The following CDH13 variants were observed in gnomAD, a reference collection of about 807,000 sequenced individuals.
CDH13 encodes the protein cadherin 13.
A neutral mutation model predicts 63.8 loss-of-function variants in CDH13; 24 were observed. The ratio of observed to expected loss-of-function variants is 0.38; its 90% CI spans 0.27 to 0.53. The LOEUF (loss-of-function observed/expected upper bound fraction) is 0.53, where lower values mean the gene tolerates loss of function less well. Ranked by LOEUF, CDH13 falls within the 20% of genes least tolerant of loss-of-function variation. The pLI, the probability that CDH13 is intolerant of heterozygous loss-of-function variation, is 0.85. For missense variants in CDH13, 1,049 were observed against 903.1 expected (o/e 1.16, Z -2.07); for synonymous variants, 503 against 355.3 (o/e 1.42, Z -4.67).
chr16:83,396,299 A>G (rs1199740205), intron 6 of CDH13, among the ~76,000 whole-genome samples: 1 of 152,140 alleles, frequency 6.6e-6, no homozygotes, highest in Non-Finnish European at 1.5e-5. Context: ...TCTACCTCGT[A>G]GGATTGTTCA....
At chr16:82,653,066 AC>A (rs1910913055) in intron 1 of CDH13, among the ~76,000 whole-genome samples, 2 of 152,230 alleles carry the variant, frequency 1.3e-5, no homozygotes, top group East Asian at 1.9e-4. Context: ...AAGGCAGTCA[AC>A]ATTGTCCATT....
intron 2 of CDH13, among the ~76,000 whole-genome samples, chr16:82,995,872 C>A (rs569237983): frequency 6.6e-6 from 1 of 152,068 alleles, no homozygotes; most frequent in Non-Finnish European, 1.5e-5. Flanking sequence ...GAATCGATAT[C>A]GTTTAATTAT....
chr16:82,776,350 T>C (rs1238048613), intron 1 of CDH13, among the ~76,000 whole-genome samples: 1 of 152,100 alleles, frequency 6.6e-6, no homozygotes, highest in Non-Finnish European at 1.5e-5. Flanking sequence ...CCATATGCTT[T>C]TGTGAGACTA....
intron 7 of CDH13, among the ~76,000 whole-genome samples, chr16:83,509,078 T>C (rs965083712): frequency 2.0e-5 from 3 of 152,172 alleles, no homozygotes; most frequent in African/African-American, 7.2e-5. Flanking sequence ...GAAGCCAAGT[T>C]TCCATAATCC....
At chr16:82,839,163 G>A (rs1230439161) in intron 1 of CDH13, among the ~76,000 whole-genome samples, 1 of 152,212 alleles carries the variant, frequency 6.6e-6, no homozygotes, top group African/African-American at 2.4e-5. Flanking sequence ...GGAGAGAGGA[G>A]AATAAATCTT....
At chr16:82,682,155 T>C (rs1488049157) in intron 1 of CDH13, among the ~76,000 whole-genome samples, 1 of 152,222 alleles carries the variant, frequency 6.6e-6, no homozygotes, top group African/African-American at 2.4e-5. Context: ...TTCCCAATGA[T>C]AAGACTGCCT....
intron 2 of CDH13, among the ~76,000 whole-genome samples, chr16:82,887,776 C>T (rs745515173): frequency 2.6e-5 from 4 of 151,950 alleles, no homozygotes; most frequent in Non-Finnish European, 4.4e-5. Context: ...GATCTGAGCT[C>T]GCACCACTGC....
At chr16:83,524,358 A>G (rs1457466147) in intron 7 of CDH13, among the ~76,000 whole-genome samples, 1 of 152,002 alleles carries the variant, frequency 6.6e-6, no homozygotes, top group Non-Finnish European at 1.5e-5. Context: ...GTTCTTTACA[A>G]TTGTAGGAGC....
chr16:82,841,961 A>T (rs1238407645), intron 1 of CDH13, among the ~76,000 whole-genome samples: 1 of 151,406 alleles, frequency 6.6e-6, no homozygotes. Flanking sequence ...CTCAGAAATC[A>T]AGTCATTTAT....
At chr16:83,524,910 C>A (rs1020424749) in intron 7 of CDH13, among the ~76,000 whole-genome samples, 5 of 152,120 alleles carry the variant, frequency 3.3e-5, no homozygotes, top group Non-Finnish European at 5.9e-5. Flanking sequence ...GTTCCGTGGG[C>A]TGTAAATCCT....
intron 1 of CDH13, among the ~76,000 whole-genome samples, chr16:82,772,401 A>G (rs2035305610): frequency 6.6e-6 from 1 of 152,152 alleles, no homozygotes; most frequent in Non-Finnish European, 1.5e-5. Flanking sequence ...CATGTATACC[A>G]GCTGCAATAT....
intron 1 of CDH13, among the ~76,000 whole-genome samples, chr16:82,687,027 C>G (rs373631409): frequency 1.8e-4 from 27 of 152,284 alleles, no homozygotes; most frequent in East Asian, 9.6e-4. Flanking sequence ...TCTCTCCCTT[C>G]GTAGATGTAG....
intron 10 of CDH13, among the ~76,000 whole-genome samples, chr16:83,698,467 T>G (rs1376636047): frequency 6.6e-6 from 1 of 152,162 alleles, no homozygotes; most frequent in East Asian, 1.9e-4. Flanking sequence ...GGGGAGATGG[T>G]GTTGCCTGGT....
intron 6 of CDH13, among the ~76,000 whole-genome samples, chr16:83,453,599 T>C (rs1165905562): frequency 6.6e-6 from 1 of 152,126 alleles, no homozygotes; most frequent in African/African-American, 2.4e-5. Flanking sequence ...GAGTCAGGGC[T>C]GGGGAATTGA....
intron 8 of CDH13, among the ~76,000 whole-genome samples, chr16:83,612,921 T>A (rs1908980278): frequency 6.6e-6 from 1 of 152,172 alleles, no homozygotes; most frequent in African/African-American, 2.4e-5. Flanking sequence ...TTTTTGTGCT[T>A]CCACATGGAA....
At chr16:83,466,120 C>G (rs2073308344) in intron 6 of CDH13, among the ~76,000 whole-genome samples, 1 of 152,226 alleles carries the variant, frequency 6.6e-6, no homozygotes, top group African/African-American at 2.4e-5. Flanking sequence ...TAGCCTTGTT[C>G]TTCCCCAAGA....
chr16:82,802,467 C>T (rs887855478), intron 1 of CDH13, among the ~76,000 whole-genome samples: 1 of 152,104 alleles, frequency 6.6e-6, no homozygotes, highest in Non-Finnish European at 1.5e-5. Flanking sequence ...TTGAGAGATT[C>T]AGAGGTTCTC....
chr16:83,518,180 T>C (rs2074742959), intron 7 of CDH13, among the ~76,000 whole-genome samples: 1 of 152,322 alleles, frequency 6.6e-6, no homozygotes, highest in Non-Finnish European at 1.5e-5. Context: ...AGTCTTGTTC[T>C]CTCACCCAGG....
At chr16:83,174,977 C>T (rs2038068900) in intron 4 of CDH13, among the ~76,000 whole-genome samples, 1 of 152,104 alleles carries the variant, frequency 6.6e-6, no homozygotes, top group Admixed American at 6.6e-5. Context: ...AGGTCCCTCC[C>T]CTGACACATG....
Sources: allele counts gnomAD v4.1 joint callset (sites outside exome capture counted in the v4.1 genomes callset), GRCh38; gene constraint gnomAD v4.1.1; transcripts MANE v1.5; gene names NCBI Gene and HGNC (gene_info 2026-07-23, HGNC 2026-07-21).